The following CYFIP1 variants were observed in gnomAD, a reference collection of about 807,000 sequenced individuals.
The protein encoded by CYFIP1 is cytoplasmic FMR1 interacting protein 1.
Under a neutral mutation model 163.5 loss-of-function variants are expected in CYFIP1, and 58 were observed. The ratio of observed to expected loss-of-function variants is 0.35; its 90% CI spans 0.29 to 0.44. The LOEUF (loss-of-function observed/expected upper bound fraction) is 0.44. Among genes scored for constraint, CYFIP1 ranks in the 20% least tolerant of loss-of-function variants. The probability of loss-of-function intolerance (pLI) is 1.00; values close to 1 mark genes in which losing one functional copy is unlikely to be tolerated. For synonymous variants in CYFIP1, 663 were observed against 660.7 expected (o/e 1.00, Z -0.05); for missense variants, 1,338 against 1,653.8 (o/e 0.81, Z 3.31).
In CYFIP1 at chr15:22,874,545, G is replaced by A. The variant is rs755684900; in HGVS notation, c.3210+5C>T. Reference sequence around the variant, plus strand: ...AACAGCCACAGCCATCACGGTACACGTTACCTGAGGGGTCCCCAGTCTTTC... The same window carrying A: ...AACAGCCACAGCCATCACGGTACACATTACCTGAGGGGTCCCCAGTCTTTC... On this transcript the variant is annotated splice_donor_5th_base_variant and intron_variant, in intron 28 of 30. Coordinates refer to ENST00000617928, the MANE Select transcript of CYFIP1 (RefSeq NM_014608.6). 5.7e-6 allele frequency: 9 copies of A among 1,592,194 alleles called. No individual in the cohort carries two copies. Among genetic ancestry groups the A allele is most frequent in the South Asian group, 2.3e-5 (2 of 87,272 alleles).
intron 5 of CYFIP1, 87 bp downstream of exon 5, chr15:22,944,471 G>A: frequency 1.2e-6 from 1 of 860,598 alleles, no homozygotes; most frequent in South Asian, 1.5e-5. Context: ...CTCTGTTCAG[G>A]GTGTTCACAG....
At chr15:22,935,785 T>C (rs1385014378) in intron 9 of CYFIP1, among the ~76,000 whole-genome samples, 1 of 152,122 alleles carries the variant, frequency 6.6e-6, no homozygotes, top group African/African-American at 2.4e-5. Context: ...AGTGTTCTCA[T>C]CACAAAATAA....
At chr15:22,889,987 T>C (rs1402114275) in intron 23 of CYFIP1, among the ~76,000 whole-genome samples, 3 of 152,142 alleles carry the variant, frequency 2.0e-5, no homozygotes, top group East Asian at 1.9e-4. Flanking sequence ...CTTTTGAGTA[T>C]AACTAATTAT....
At chr15:22,878,921 A>G (rs1014352406) in intron 26 of CYFIP1, among the ~76,000 whole-genome samples, 1 of 152,096 alleles carries the variant, frequency 6.6e-6, no homozygotes, top group Non-Finnish European at 1.5e-5. Context: ...TGGATCACAA[A>G]GTCAGGAGTT....
At chr15:22,948,160 G>T in intron 1 of CYFIP1, 1 of 187,948 alleles carries the variant, frequency 5.3e-6, no homozygotes, top group Non-Finnish European at 9.9e-6. Context: ...TGCACTGGCT[G>T]AGGGTGGAGA....
At chr15:22,884,941 G>C (rs1397876712) in intron 23 of CYFIP1, among the ~76,000 whole-genome samples, 1 of 137,230 alleles carries the variant, frequency 7.3e-6, no homozygotes, top group Non-Finnish European at 1.5e-5. Flanking sequence ...AGGGCACCAA[G>C]TCCTGAAGCT....
At chr15:22,948,692 G>A (rs530257133) in intron 1 of CYFIP1, among the ~76,000 whole-genome samples, 14 of 151,714 alleles carry the variant, frequency 9.2e-5, no homozygotes, top group African/African-American at 3.4e-4. Flanking sequence ...ATGCTCTAAC[G>A]ATTGTAACAC....
chr15:22,940,955 G>C (rs1460592910), intron 6 of CYFIP1, among the ~76,000 whole-genome samples: 1 of 152,158 alleles, frequency 6.6e-6, no homozygotes, highest in Admixed American at 6.5e-5. Flanking sequence ...CAGGAGAATT[G>C]CTTGAATCCA....
chr15:22,922,441 G>A (rs1037608682), intron 13 of CYFIP1, among the ~76,000 whole-genome samples: 5 of 152,208 alleles, frequency 3.3e-5, no homozygotes, highest in Non-Finnish European at 5.9e-5. Flanking sequence ...AGGCACAGCT[G>A]GAAGTTTACA....
At chr15:22,900,610 C>T (rs1183719239) in intron 22 of CYFIP1, among the ~76,000 whole-genome samples, 1 of 151,678 alleles carries the variant, frequency 6.6e-6, no homozygotes, top group Non-Finnish European at 1.5e-5. Flanking sequence ...ACCGTGTTAG[C>T]CAGAATGGTC....
intron 11 of CYFIP1, 112 bp from the exon 12 acceptor site, chr15:22,928,140 A>C: frequency 5.5e-6 from 7 of 1,274,296 alleles, no homozygotes; most frequent in Non-Finnish European, 6.2e-6. Context: ...AAAATAAGAA[A>C]TGCAGGAGGC....
At chr15:22,915,676 G>A (rs2060950482) in intron 16 of CYFIP1, among the ~76,000 whole-genome samples, 1 of 152,186 alleles carries the variant, frequency 6.6e-6, no homozygotes. Flanking sequence ...TTGAACCTGG[G>A]AGGCGGAGCT....
chr15:22,951,175 G>A (rs554439856), intron 1 of CYFIP1, among the ~76,000 whole-genome samples: 261 of 152,262 alleles, frequency 1.7e-3, no homozygotes, highest in Middle Eastern at 0.017. Flanking sequence ...GGAACTGACT[G>A]GAAATGAGGG....
chr15:22,966,516 T>A (rs772840949), intron 1 of CYFIP1, among the ~76,000 whole-genome samples: 126 of 151,988 alleles, frequency 8.3e-4, no homozygotes, highest in Non-Finnish European at 1.4e-3. Flanking sequence ...TGATCTTGGA[T>A]GTCCAGCCTC....
chr15:22,874,460 G>C, intron 28 of CYFIP1, 90 bp downstream of exon 28: 2 of 949,784 alleles, frequency 2.1e-6, no homozygotes, highest in Non-Finnish European at 3.1e-6. Context: ...TGGACTTCAC[G>C]ATGCCTTCCA....
chr15:22,870,199 C>T lies in CYFIP1; in HGVS notation c.3598-7G>A. On this transcript the variant is annotated splice_polypyrimidine_tract_variant and splice_region_variant and intron_variant, in intron 30 of 30. Coordinates refer to ENST00000617928, the MANE Select transcript of CYFIP1 (RefSeq NM_014608.6). ...CCACCATCTTCTTCAAAGGCTACAA[C>T]CATCAAAGTGAGGATGTTTTACTAT... 3.7e-6 allele frequency: 6 copies of T among 1,602,356 alleles called. No individual in the cohort carries two copies. The highest frequency in any genetic ancestry group is 5.1e-6 in the Non-Finnish European group (6 of 1,175,984).
intron 27 of CYFIP1, 117 bp downstream of exon 27, chr15:22,875,082 A>T: frequency 3.4e-6 from 3 of 890,184 alleles, no homozygotes; most frequent in Non-Finnish European, 5.6e-6. Flanking sequence ...CCTGGGTATG[A>T]CTGAACAGGC....
upstream of CYFIP1, among the ~76,000 whole-genome samples, chr15:22,980,629 G>A (rs1182946040): frequency 6.6e-6 from 1 of 152,030 alleles, no homozygotes; most frequent in African/African-American, 2.4e-5. Context: ...GCGGGCGTGG[G>A]GTCCTCCTGC....
At chr15:22,951,609 G>A in intron 1 of CYFIP1, 1 of 1,244,932 alleles carries the variant, frequency 8.0e-7, no homozygotes, top group Non-Finnish European at 1.0e-6. Flanking sequence ...GGAGAGGCCT[G>A]GGGGCGTGTC....
Sources: gnomAD v4.1 joint callset for allele counts (sites outside exome capture counted in the v4.1 genomes callset) on GRCh38, gnomAD v4.1.1 for gene constraint, MANE v1.5 for transcripts, NCBI Gene and HGNC (gene_info 2026-07-23, HGNC 2026-07-21) for gene names.